The following TMEM108 variants were observed in gnomAD, a reference collection of about 807,000 sequenced individuals.
The protein encoded by TMEM108 is cancer/testis antigen 124.
A neutral mutation model predicts 35.1 loss-of-function variants in TMEM108; 12 were observed. The observed-to-expected ratio is 0.34, with a 90% CI of 0.22 to 0.55. The LOEUF (loss-of-function observed/expected upper bound fraction) is 0.55, where lower values mean the gene tolerates loss of function less well. Ranked by LOEUF, TMEM108 falls within the 20% of genes least tolerant of loss-of-function variation. TMEM108 has a pLI of 0.89. For synonymous variants in TMEM108, 287 were observed against 308.6 expected (o/e 0.93, Z 0.73); for missense variants, 680 against 753.3 (o/e 0.90, Z 1.14).
At chr3:133,271,346 T>C (rs140130760) in intron 3 of TMEM108, among the ~76,000 whole-genome samples, 2 of 152,330 alleles carry the variant, frequency 1.3e-5, no homozygotes, top group African/African-American at 2.4e-5. Context: ...AACACATTTG[T>C]CCTTAGAAAA....
intron 2 of TMEM108, among the ~76,000 whole-genome samples, chr3:133,204,040 G>A (rs1215510521): frequency 6.6e-6 from 1 of 152,118 alleles, no homozygotes; most frequent in Non-Finnish European, 1.5e-5. Flanking sequence ...TATGTGGCCA[G>A]GAATGTATCC....
chr3:133,288,466 A>AT (rs1189808121), intron 3 of TMEM108, among the ~76,000 whole-genome samples: 1 of 152,166 alleles, frequency 6.6e-6, no homozygotes, highest in African/African-American at 2.4e-5. Flanking sequence ...TGTGTTCTCC[A>AT]TGGGGGGGTG....
intron 3 of TMEM108, among the ~76,000 whole-genome samples, chr3:133,300,079 CCA>C (rs951829497): frequency 6.6e-6 from 1 of 152,070 alleles, no homozygotes; most frequent in African/African-American, 2.4e-5. Context: ...CTTCATTGGT[CCA>C]CACCTTCCCT....
rs574967207 is a variant in TMEM108 at position 133,351,308 on chromosome 3, C to T, written c.41-28444C>T. Among the ~76,000 whole-genome samples the T allele has an allele frequency of 9.2e-5, 14 of 152,266 alleles. No individual in the cohort carries two copies. The South Asian group carries it at 2.7e-3, about 29-fold the overall frequency. ...AGGTGCTGATCTTCAATCACCCTTACGGCCCTGCTTACTTCAAACTCAGCA... is the reference window on the plus strand; with the variant it reads ...AGGTGCTGATCTTCAATCACCCTTATGGCCCTGCTTACTTCAAACTCAGCA... On this transcript the variant is annotated intron_variant, in intron 3 of 5. Transcript: ENST00000321871.
At chr3:133,362,454 G>A (rs905078777) in intron 3 of TMEM108, among the ~76,000 whole-genome samples, 1 of 152,124 alleles carries the variant, frequency 6.6e-6, no homozygotes, top group African/African-American at 2.4e-5. Context: ...TTCACAATGT[G>A]TCATACCCAC....
intron 1 of TMEM108, among the ~76,000 whole-genome samples, chr3:133,043,773 T>A (rs1438950167): frequency 7.9e-5 from 12 of 152,076 alleles, no homozygotes; most frequent in Non-Finnish European, 4.4e-5. Context: ...ATGCTAGGAA[T>A]TAAAAAAAAA....
At chr3:133,063,707 G>C (rs1028866346) in intron 2 of TMEM108, among the ~76,000 whole-genome samples, 1 of 152,098 alleles carries the variant, frequency 6.6e-6, no homozygotes, top group Non-Finnish European at 1.5e-5. Context: ...TATTCCCAAG[G>C]CTATTGATTT....
chr3:133,315,300 C>T (rs914630459), intron 3 of TMEM108, among the ~76,000 whole-genome samples: 7 of 152,270 alleles, frequency 4.6e-5, no homozygotes, highest in East Asian at 1.9e-4. Flanking sequence ...AAAGAGAAGC[C>T]GCTCAGAGCT....
Position 133,133,032 on chromosome 3 carries a change from G to A in TMEM108, c.-47+87012G>A, listed in dbSNP as rs559384772. ...TCATGATAAAACTTGAAGGGATGAA[G>A]AGTTGCTGCTTATGGATGAGCAAAG... On this transcript the variant is annotated intron_variant, in intron 2 of 5. Coordinates refer to ENST00000321871, the MANE Select transcript of TMEM108 (RefSeq NM_023943.4). Among the ~76,000 whole-genome samples the A allele has an allele frequency of 6.6e-5, 10 of 152,296 alleles. No homozygotes were observed. The East Asian group carries it at 1.9e-3, about 29-fold the overall frequency.
chr3:133,251,170 T>C (rs1395408996), intron 3 of TMEM108, among the ~76,000 whole-genome samples: 1 of 152,224 alleles, frequency 6.6e-6, no homozygotes, highest in African/African-American at 2.4e-5. Flanking sequence ...TAGTTTCATT[T>C]ATTCAACAAA....
At chr3:133,068,894 C>T (rs183712838) in intron 2 of TMEM108, among the ~76,000 whole-genome samples, 276 of 152,164 alleles carry the variant, frequency 1.8e-3, no homozygotes, top group African/African-American at 6.3e-3. Context: ...CAGAAGCCAT[C>T]AGGAAAGGCT....
chr3:133,122,407 G>A (rs1443067145), intron 2 of TMEM108, among the ~76,000 whole-genome samples: 1 of 152,144 alleles, frequency 6.6e-6, no homozygotes, highest in Admixed American at 6.5e-5. Flanking sequence ...TGCTGCTAGA[G>A]CTGTGGATGG....
At chr3:133,265,761 T>C (rs1298624796) in intron 3 of TMEM108, among the ~76,000 whole-genome samples, 2 of 152,216 alleles carry the variant, frequency 1.3e-5, no homozygotes, top group Non-Finnish European at 2.9e-5. Context: ...TCAAGGCAGA[T>C]AACAGGGAAG....
chr3:133,389,867 G>A (rs1023393604), intron 4 of TMEM108, among the ~76,000 whole-genome samples: 6 of 152,108 alleles, frequency 3.9e-5, no homozygotes, highest in African/African-American at 1.2e-4. Context: ...TATGTCCTTG[G>A]AACCATGCCT....
At chr3:133,248,597 T>A (rs1946420151) in intron 3 of TMEM108, 1 of 152,224 alleles carries the variant, frequency 6.6e-6, no homozygotes, top group Non-Finnish European at 1.5e-5. Context: ...CTCCCCTGGG[T>A]CTGTTTAAAA....
At chr3:133,288,468 G>T (rs1199913483) in intron 3 of TMEM108, among the ~76,000 whole-genome samples, 1 of 152,084 alleles carries the variant, frequency 6.6e-6, no homozygotes, top group African/African-American at 2.4e-5. Context: ...TGTTCTCCAT[G>T]GGGGGGTGAA....
intron 3 of TMEM108, among the ~76,000 whole-genome samples, chr3:133,372,838 G>A (rs2107819737): frequency 6.6e-6 from 1 of 152,300 alleles, no homozygotes; most frequent in Admixed American, 6.5e-5. Context: ...AGTGAGGGAA[G>A]CAGAAAAGAT....
chr3:133,373,722 T>C (rs2072749610), intron 3 of TMEM108, among the ~76,000 whole-genome samples: 1 of 152,240 alleles, frequency 6.6e-6, no homozygotes, highest in South Asian at 2.1e-4. Context: ...TCAGACTTAG[T>C]GTGCTTAGAT....
intron 2 of TMEM108, among the ~76,000 whole-genome samples, chr3:133,138,625 T>G (rs537407500): frequency 8.5e-5 from 13 of 152,252 alleles, no homozygotes; most frequent in Non-Finnish European, 1.5e-4. Context: ...CTGCCAAAGG[T>G]TGAGGAAGTT....
Sources: gnomAD v4.1 joint callset for allele counts (sites outside exome capture counted in the v4.1 genomes callset) on GRCh38, gnomAD v4.1.1 for gene constraint, MANE v1.5 for transcripts, NCBI Gene and HGNC (gene_info 2026-07-23, HGNC 2026-07-21) for gene names.